The following ARAP2 variants were observed in gnomAD, a reference collection of about 807,000 sequenced individuals.
The protein encoded by ARAP2 is arf-GAP with Rho-GAP domain, ANK repeat and PH domain-containing protein 2.
A neutral mutation model predicts 194.5 loss-of-function variants in ARAP2; 148 were observed. The observed-to-expected ratio is 0.76, with a 90% CI of 0.67 to 0.87. The LOEUF is 0.87. Among genes scored for constraint, ARAP2 ranks in the 40% least tolerant of loss-of-function variants. The probability of loss-of-function intolerance (pLI) is 0.00; values close to 1 mark genes in which losing one functional copy is unlikely to be tolerated. For missense variants in ARAP2, 2,128 were observed against 1,989.7 expected, an observed-to-expected ratio of 1.07 and a Z score of -1.32; for synonymous variants, 695 against 683.5, an observed-to-expected ratio of 1.02 and a Z score of -0.26.
At chr4:36,226,847 C>G (rs1374195329) in intron 2 of ARAP2, among the ~76,000 whole-genome samples, 7 of 152,264 alleles carry the variant, frequency 4.6e-5, no homozygotes, top group South Asian at 2.1e-4. Context: ...TGATCCTTTA[C>G]AGCTCCCAAA....
intron 22 of ARAP2, among the ~76,000 whole-genome samples, chr4:36,122,925 T>A (rs1280108600): frequency 1.3e-5 from 2 of 151,700 alleles, no homozygotes; most frequent in Non-Finnish European, 2.9e-5. Context: ...TTCCCATCTA[T>A]GAAGAACACA....
chr4:36,199,153 G>A (rs899678917), intron 6 of ARAP2, among the ~76,000 whole-genome samples: 2 of 152,220 alleles, frequency 1.3e-5, no homozygotes, highest in African/African-American at 2.4e-5. Flanking sequence ...GCTGCAGCCA[G>A]TGTCATGGCA....
chr4:36,149,764 G>C (rs899950052), intron 16 of ARAP2, among the ~76,000 whole-genome samples: 1 of 151,996 alleles, frequency 6.6e-6, no homozygotes, highest in Non-Finnish European at 1.5e-5. Context: ...TTAATAATCA[G>C]TTTTGTTCAC....
intron 25 of ARAP2, among the ~76,000 whole-genome samples, chr4:36,115,190 A>T (rs554896368): frequency 6.6e-6 from 1 of 152,126 alleles, no homozygotes; most frequent in South Asian, 2.1e-4. Context: ...ACTGCAGGTA[A>T]CTCGCAAAGT....
At chr4:36,168,390 T>C (rs1735779365) in intron 9 of ARAP2, among the ~76,000 whole-genome samples, 1 of 152,118 alleles carries the variant, frequency 6.6e-6, no homozygotes, top group Non-Finnish European at 1.5e-5. Flanking sequence ...AGGACAAAAA[T>C]AGGGAGAACC....
intron 6 of ARAP2, among the ~76,000 whole-genome samples, chr4:36,017,637 T>TG (rs1297072740): frequency 3.5e-5 from 5 of 142,812 alleles, no homozygotes; most frequent in Non-Finnish European, 7.5e-5. Flanking sequence ...GCAATGGTCT[T>TG]GGGGAGAAAT....
intron 5 of ARAP2, among the ~76,000 whole-genome samples, chr4:36,041,671 G>A (rs569192410): frequency 3.9e-5 from 6 of 152,228 alleles, no homozygotes; most frequent in African/African-American, 1.4e-4. Flanking sequence ...TCCCATTATT[G>A]GGTGTATACT....
Position 36,067,828 on chromosome 4 carries a change from A to C in ARAP2, c.*79T>G. 1 of 1,459,732 alleles carries C rather than the reference A, an allele frequency of 6.9e-7. No homozygotes were observed. The highest frequency in any genetic ancestry group is 9.1e-7 in the Non-Finnish European group (1 of 1,094,582). The allele number at this position is 1,459,732 out of a possible 1,614,324, so 90.4% of individuals were successfully genotyped here. On this transcript the variant is annotated 3_prime_UTR_variant, in exon 33 of 33. Transcript: ENST00000303965. The stretch of plus-strand genomic sequence containing the variant: ...TAGGCAAATTCTTATGAATTATCTT[A>C]TAGTTCAGTTTTGGAGTTACACATA...
At chr4:36,224,491 G>A (rs562627381) in intron 2 of ARAP2, among the ~76,000 whole-genome samples, 1 of 152,148 alleles carries the variant, frequency 6.6e-6, no homozygotes, top group East Asian at 1.9e-4. Flanking sequence ...AACATCCTTA[G>A]GGTAAGAATG....
intron 5 of ARAP2, among the ~76,000 whole-genome samples, chr4:36,042,981 T>A (rs543895551): frequency 5.9e-5 from 9 of 152,150 alleles, no homozygotes; most frequent in Non-Finnish European, 1.2e-4. Context: ...TAACTGGGAT[T>A]ACAGGTGCCC....
intron 9 of ARAP2, among the ~76,000 whole-genome samples, chr4:36,176,792 G>A (rs1051026958): frequency 7.2e-5 from 11 of 152,068 alleles, no homozygotes; most frequent in African/African-American, 2.7e-4. Flanking sequence ...AATATTTAAT[G>A]TGTAAGTTCA....
intron 1 of ARAP2, among the ~76,000 whole-genome samples, chr4:36,239,996 T>C (rs1329536381): frequency 1.3e-5 from 2 of 152,178 alleles, no homozygotes; most frequent in East Asian, 1.9e-4. Context: ...GTAGTATAGA[T>C]AGCACAATGC....
chr4:36,069,899 G>A (rs1278518005), intron 32 of ARAP2, among the ~76,000 whole-genome samples: 1 of 151,960 alleles, frequency 6.6e-6, no homozygotes, highest in East Asian at 1.9e-4. Flanking sequence ...GAGTTATGTT[G>A]AGATCTGGTC....
chr4:36,211,372 C>T (rs894515591), intron 5 of ARAP2, among the ~76,000 whole-genome samples: 1 of 152,136 alleles, frequency 6.6e-6, no homozygotes, highest in Non-Finnish European at 1.5e-5. Flanking sequence ...TATTGGAATG[C>T]ATTCATAATA....
chr4:36,143,152 T>C (rs1367892172), intron 19 of ARAP2, among the ~76,000 whole-genome samples: 3 of 151,800 alleles, frequency 2.0e-5, no homozygotes, highest in African/African-American at 4.8e-5. Context: ...GTATAGTCTT[T>C]GTTCTTGTTC....
At chr4:36,164,871 A>G (rs756915842) in intron 11 of ARAP2, 43 bp downstream of exon 11, 1 of 1,590,470 alleles carries the variant, frequency 6.3e-7, no homozygotes, top group East Asian at 2.2e-5. Flanking sequence ...TTCAATGCCA[A>G]TCTGCCACAA....
At chr4:36,016,200 T>C (rs7691603) in intron 6 of ARAP2, among the ~76,000 whole-genome samples, 69,419 of 151,858 alleles carry the variant, frequency 0.46, 16,920 homozygotes, top group African/African-American at 0.62. Flanking sequence ...TACAAAAGAA[T>C]ATGTATAGTA....
chr4:36,179,822 T>C (rs530273012), intron 8 of ARAP2, among the ~76,000 whole-genome samples: 39 of 152,216 alleles, frequency 2.6e-4, no homozygotes, highest in Non-Finnish European at 4.6e-4. Flanking sequence ...AATCCAAAGT[T>C]ATTTCATAAT....
chr4:36,017,986 T>C (rs1380240198), intron 6 of ARAP2, among the ~76,000 whole-genome samples: 1 of 152,216 alleles, frequency 6.6e-6, no homozygotes, highest in South Asian at 2.1e-4. Flanking sequence ...TATGATAAAG[T>C]CCATTTTGAT....
Sources: allele counts gnomAD v4.1 joint callset (sites outside exome capture counted in the v4.1 genomes callset), GRCh38; gene constraint gnomAD v4.1.1; transcripts MANE v1.5; gene names NCBI Gene and HGNC (gene_info 2026-07-23, HGNC 2026-07-21).